The following ACTN2 variants were observed in gnomAD, a reference collection of about 807,000 sequenced individuals.
The protein encoded by ACTN2 is actinin alpha 2, also known as alpha-actinin-2.
ACTN2 carries 39 observed loss-of-function variants against 113.8 expected under a neutral mutation model. The ratio of observed to expected loss-of-function variants is 0.34; its 90% CI spans 0.27 to 0.45. The LOEUF is 0.45. Among genes scored for constraint, ACTN2 ranks in the 20% least tolerant of loss-of-function variants. The probability of loss-of-function intolerance (pLI) is 1.00; values close to 1 mark genes in which losing one functional copy is unlikely to be tolerated. For synonymous variants in ACTN2, 429 were observed against 444.1 expected (o/e 0.97, Z 0.43); for missense variants, 992 against 1,177.9 (o/e 0.84, Z 2.31).
intron 1 of ACTN2, among the ~76,000 whole-genome samples, chr1:236,694,271 G>C (rs1657397748): frequency 6.7e-6 from 1 of 148,494 alleles, no homozygotes; most frequent in Non-Finnish European, 1.5e-5. Flanking sequence ...CCGGGCTGGA[G>C]TGCAATGGCA....
At chr1:236,700,936 A>G (rs1657655204) in intron 1 of ACTN2, among the ~76,000 whole-genome samples, 2 of 152,138 alleles carry the variant, frequency 1.3e-5, no homozygotes, top group South Asian at 4.1e-4. Context: ...ACCCTGAAAG[A>G]TGAGAGATGG....
intron 1 of ACTN2, among the ~76,000 whole-genome samples, chr1:236,715,385 AAT>A (rs1169976214): frequency 2.7e-5 from 4 of 147,802 alleles, no homozygotes; most frequent in Non-Finnish European, 5.9e-5. Flanking sequence ...ACATAAAATT[AAT>A]ATGTTAAAAA....
At chr1:236,760,905 T>A in intron 19 of ACTN2, 110 bp from the exon 20 acceptor site, 1 of 1,386,334 alleles carries the variant, frequency 7.2e-7, no homozygotes, top group African/African-American at 1.4e-5. Context: ...AGGTAATAAT[T>A]CAGTTTTCAG....
intron 4 of ACTN2, among the ~76,000 whole-genome samples, chr1:236,722,975 C>T (rs1572117405): frequency 6.6e-6 from 1 of 152,194 alleles, no homozygotes; most frequent in African/African-American, 2.4e-5. Context: ...ATTGTAGTAA[C>T]CAATTGAAGA....
chr1:236,695,454 C>A (rs77007781), intron 1 of ACTN2, among the ~76,000 whole-genome samples: 3,820 of 145,756 alleles, frequency 0.026, 164 homozygotes, highest in African/African-American at 0.092. Context: ...GAATTTAGAG[C>A]TTTTAGAATT....
intron 1 of ACTN2, among the ~76,000 whole-genome samples, chr1:236,699,831 C>T (rs1444600604): frequency 6.6e-6 from 1 of 152,002 alleles, no homozygotes; most frequent in African/African-American, 2.4e-5. Context: ...TCCAGTAGGC[C>T]AAGGAAAAAC....
At chr1:236,696,026 G>A (rs905740255) in intron 1 of ACTN2, among the ~76,000 whole-genome samples, 1 of 152,150 alleles carries the variant, frequency 6.6e-6, no homozygotes, top group Admixed American at 6.5e-5. Flanking sequence ...TTGTTTTGGG[G>A]CCAGGCGCAG....
At chr1:236,726,977 G>A (rs111406607) in intron 5 of ACTN2, among the ~76,000 whole-genome samples, 3 of 152,274 alleles carry the variant, frequency 2.0e-5, no homozygotes, top group African/African-American at 7.2e-5. Context: ...TAACTCTCAC[G>A]GAGGTCTCCT....
At chr1:236,740,375 A>C (rs1659033517) in intron 10 of ACTN2, among the ~76,000 whole-genome samples, 3 of 151,406 alleles carry the variant, frequency 2.0e-5, no homozygotes, top group Admixed American at 2.0e-4. Context: ...CGGCCTCCCA[A>C]AGTGCTGGGA....
intron 1 of ACTN2, among the ~76,000 whole-genome samples, chr1:236,708,008 G>A (rs986908228): frequency 1.3e-5 from 2 of 152,018 alleles, no homozygotes; most frequent in Admixed American, 1.3e-4. Flanking sequence ...ACCGCACTTG[G>A]CCATCATAAT....
chr1:236,738,885 A>G (rs1658973840), intron 9 of ACTN2, among the ~76,000 whole-genome samples: 1 of 152,240 alleles, frequency 6.6e-6, no homozygotes, highest in African/African-American at 2.4e-5. Flanking sequence ...TTTTAAAAAC[A>G]CATTTTAAGT....
At chr1:236,757,365 A>G in intron 17 of ACTN2, 121 bp from the exon 18 acceptor site, 1 of 1,261,326 alleles carries the variant, frequency 7.9e-7, no homozygotes, top group Non-Finnish European at 1.1e-6. Flanking sequence ...AGTGTGGGGA[A>G]GGCTATCATG....
chr1:236,718,242 C>T (rs989477601), intron 2 of ACTN2, among the ~76,000 whole-genome samples: 10 of 152,326 alleles, frequency 6.6e-5, no homozygotes, highest in Admixed American at 1.3e-4. Flanking sequence ...TGACTTCACA[C>T]GACTCCCTCC....
chr1:236,700,909 G>C (rs1034769108), intron 1 of ACTN2, among the ~76,000 whole-genome samples: 2 of 152,154 alleles, frequency 1.3e-5, no homozygotes, highest in Admixed American at 1.3e-4. Context: ...AAAAGTGCTG[G>C]GGGGCCTTTC....
chr1:236,699,644 A>T (rs1657616920), intron 1 of ACTN2, among the ~76,000 whole-genome samples: 1 of 152,172 alleles, frequency 6.6e-6, no homozygotes, highest in South Asian at 2.1e-4. Context: ...CCGTGTCTTT[A>T]TCTACAGGAA....
intron 1 of ACTN2, among the ~76,000 whole-genome samples, chr1:236,716,062 A>T (rs1401631670): frequency 6.6e-6 from 1 of 151,842 alleles, no homozygotes; most frequent in Non-Finnish European, 1.5e-5. Context: ...CTCAGGGTAA[A>T]ATTTATTACT....
chr1:236,744,210 G>A (rs966956591), intron 11 of ACTN2, among the ~76,000 whole-genome samples: 1 of 152,114 alleles, frequency 6.6e-6, no homozygotes, highest in African/African-American at 2.4e-5. Context: ...AAGGAACTAG[G>A]GTGGGGTAGG....
At position 236,755,044 on chromosome 1, in the gene ACTN2, T is replaced by C. The variant is rs1659511910; in HGVS notation, c.2000T>C (p.Ile667Thr). 2 of 1,614,082 alleles carry C rather than the reference T, an allele frequency of 1.2e-6. No homozygotes were observed. The highest frequency in any genetic ancestry group is 2.7e-5 in the African/African-American group (2 of 74,922). The change falls in exon 17 of 21, where the codon ATC (isoleucine) becomes ACC (threonine). Residue 667 changes from isoleucine to threonine, a missense_variant. Ile to Thr is a moderately conservative substitution (Grantham distance 89). Around this residue, in one of 3 missense-constraint regions of ACTN2, gnomAD observed 736 missense variants for 815.4 expected, o/e 0.90. Transcript: ENST00000366578. ...MEEIARSSIQ[I>T]TGALEDQMNQ... is the part of the protein sequence containing the mutation. Reference sequence around the variant, plus strand: ...GAGATTGCCCGGAGCTCCATCCAGATCACAGGAGCCCTGGAAGACCAGATG... The same window carrying C: ...GAGATTGCCCGGAGCTCCATCCAGACCACAGGAGCCCTGGAAGACCAGATG...
At chr1:236,755,814 C>G (rs1410598344) in intron 17 of ACTN2, among the ~76,000 whole-genome samples, 1 of 27,376 alleles carries the variant, frequency 3.7e-5, no homozygotes, top group East Asian at 1.1e-3. Flanking sequence ...CTGTTAGAAC[C>G]CTGGTAATAG....
Sources: allele counts gnomAD v4.1 joint callset (sites outside exome capture counted in the v4.1 genomes callset), GRCh38; gene constraint gnomAD v4.1.1; regional missense constraint gnomAD v4.1.1; transcripts MANE v1.5; gene names NCBI Gene and HGNC (gene_info 2026-07-23, HGNC 2026-07-21).